Variants in ZNF219 observed in about 807,000 individuals in gnomAD.
ZNF219 encodes zinc finger protein 219.
Under a neutral mutation model 54.4 loss-of-function variants are expected in ZNF219, and 17 were observed. That is an observed-to-expected ratio of 0.31 (90% CI 0.21 to 0.47). ZNF219 has a LOEUF of 0.47. ZNF219 is among the 20% of genes least tolerant of loss of function. ZNF219 has a pLI of 1.00. For missense variants in ZNF219, 1,014 were observed against 1,062.3 expected, an observed-to-expected ratio of 0.95 and a Z score of 0.63; for synonymous variants, 518 against 476.4, an observed-to-expected ratio of 1.09 and a Z score of -1.14.
upstream of ZNF219, among the ~76,000 whole-genome samples, chr14:21,099,741 C>T (rs1344278546): frequency 6.6e-6 from 1 of 152,188 alleles, no homozygotes; most frequent in African/African-American, 2.4e-5. Flanking sequence ...TGAAAGCAAC[C>T]CCTTGAGACT....
chr14:21,098,074 C>G (rs1889383876), intron 1 of ZNF219, among the ~76,000 whole-genome samples: 1 of 150,872 alleles, frequency 6.6e-6, no homozygotes, highest in Admixed American at 6.6e-5. Flanking sequence ...CCCCCCCTCC[C>G]TTGGGGCCCC....
Position 21,090,491 on chromosome 14 carries a change from C to T in ZNF219, c.*45G>A. ...CCCAACTACCTCTAGCGCTCCCCCG[C>T]TCCGGCGGGGTAAGCTCACTAAGCT... On this transcript the variant is annotated 3_prime_UTR_variant, in exon 5 of 5. Transcript: ENST00000360947. The surrounding 1 kb of genome is among the most constrained non-coding windows in gnomAD (Gnocchi z 4.4). 3 of 1,541,410 alleles carry T rather than the reference C, an allele frequency of 1.9e-6. No homozygotes were observed. Among genetic ancestry groups the T allele is most frequent in the Non-Finnish European group, 1.8e-6 (2 of 1,142,322 alleles).
intron 4 of ZNF219, 90 bp downstream of exon 4, chr14:21,091,321 G>A (rs1888849911): frequency 2.6e-6 from 4 of 1,529,228 alleles, no homozygotes; most frequent in Admixed American, 4.0e-5. Context: ...TGAAGGCTTC[G>A]GAACAAACTT....
chr14:21,091,187 C>A, intron 4 of ZNF219, 47 bp from the exon 5 acceptor site: 2 of 1,549,950 alleles, frequency 1.3e-6, no homozygotes, highest in Non-Finnish European at 1.7e-6. Context: ...GATGACTGCA[C>A]GCACCCACCC....
rs1889444619 is a variant in ZNF219, at chr14:21,098,511, G to T, written c.-283C>A. 2 of 984,258 alleles carry T rather than the reference G, an allele frequency of 2.0e-6. No individual in the cohort carries two copies. The highest frequency in any genetic ancestry group is 4.7e-5 in the South Asian group (1 of 21,438). The allele number at this position is 984,258 out of a possible 1,614,324, so 61.0% of individuals were successfully genotyped here. On this transcript the variant is annotated 5_prime_UTR_variant, in exon 1 of 5. Transcript: ENST00000360947. Reference sequence around the variant, plus strand: ...GCCCGCATTGTGTGCGGCGGGAGGCGGCCCGGCCATTAGCATGCGGGGGGC... The same window carrying T: ...GCCCGCATTGTGTGCGGCGGGAGGCTGCCCGGCCATTAGCATGCGGGGGGC...
In ZNF219 at chr14:21,092,208, C is replaced by G. The variant is rs1412595716; in HGVS notation, c.1089G>C (p.Leu363Phe). The stretch of plus-strand genomic sequence containing the variant: ...GCTCGGCCGGGGTGGGAGCCGGGGC[C>G]AAGAGGAGCGCTGGGCCCAACGGCT... Reference protein sequence around the residue: ...AYEPLGPALLLAPAPTPAERR... With the variant: ...AYEPLGPALLFAPAPTPAERR... Residue 363 changes from leucine (L) to phenylalanine (F), a missense_variant, in exon 3 of 5, where the codon TTG becomes TTC. Leu to Phe is a conservative substitution (Grantham distance 22). Transcript: ENST00000360947. 7.0e-7 allele frequency: 1 copy of G among 1,438,028 alleles called. No individual in the cohort carries two copies. The highest frequency in any genetic ancestry group is 9.1e-7 in the Non-Finnish European group (1 of 1,102,448). 89.1% of individuals were successfully genotyped at this position (1,438,028 alleles called of 1,614,324 possible). A position where few individuals can be genotyped will look rare whatever the true frequency, so the allele number is the denominator to read the frequency against.
chr14:21,090,834 G>C lies in ZNF219; in HGVS notation c.1871C>G (p.Ala624Gly). 2 of 1,556,626 alleles carry C rather than the reference G, an allele frequency of 1.3e-6. No homozygotes were observed. The highest frequency in any genetic ancestry group is 1.7e-6 in the Non-Finnish European group (2 of 1,150,954). ...RTLRNGRGGE[A>G]EPLDLSLRAG... ...CCGCAAGGACAGGTCCAGGGGTTCGGCCTCACCGCCTCGCCCGTTGCGCAG... is the reference window on the plus strand; with the variant it reads ...CCGCAAGGACAGGTCCAGGGGTTCGCCCTCACCGCCTCGCCCGTTGCGCAG... The change falls in exon 5 of 5, where the codon GCC (alanine) becomes GGC (glycine). Residue 624 changes from alanine (A) to glycine (G), a missense_variant. This residue lies in a region of ZNF219 where 281 missense variants were observed against 271.2 expected (regional missense o/e 1.04). Transcript: ENST00000360947. The surrounding 1 kb of genome is among the most constrained non-coding windows in gnomAD (Gnocchi z 4.4).
Position 21,098,465 on chromosome 14 carries a change from G to A in ZNF219, c.-237C>T. 1.1e-6 allele frequency: 1 copy of A among 952,052 alleles called. No individual in the cohort carries two copies. Among genetic ancestry groups the A allele is most frequent in the Non-Finnish European group, 1.2e-6 (1 of 802,892 alleles). The allele number at this position is 952,052 out of a possible 1,614,324, so 59.0% of individuals were successfully genotyped here. On this transcript the variant is annotated 5_prime_UTR_variant, in exon 1 of 5. Transcript: ENST00000360947. ...CCGGCCCGGCCCCCGCCCCCTCCCC[G>A]GTCCCCCGCCCCCGGCCCTGGCCCG...
At chr14:21,102,261 A>C, upstream of ZNF219, 1 of 1,404,772 alleles carries the variant, frequency 7.1e-7, no homozygotes, top group South Asian at 1.4e-5. Context: ...CTGAGGAGGA[A>C]AGCAAAAAAG....
Position 21,093,244 on chromosome 14 carries a change from G to A in ZNF219, c.53C>T (p.Pro18Leu), listed in dbSNP as rs997092624. The change falls in exon 3 of 5, where the codon CCG (proline) becomes CTG (leucine). Residue 18 changes from proline to leucine, a missense_variant. By Grantham distance (98) the Pro-to-Leu change is moderately conservative. This residue lies in a region of ZNF219 where 395 missense variants were observed against 415.1 expected (regional missense o/e 0.95). Coordinates refer to ENST00000360947, the MANE Select transcript of ZNF219 (RefSeq NM_016423.3). ...CAGATCCAGCTCGCCGTCGAAAGCC[G>A]GCGGCGACGGCGCTAAGTGGCCGCT... ...APSGHLAPSP[P>L]AFDGELDLQR... is the part of the protein sequence containing the mutation. The A allele has an allele frequency of 6.3e-7, 1 of 1,599,334 alleles. No individual in the cohort carries two copies. The highest frequency in any genetic ancestry group is 8.5e-7 in the Non-Finnish European group (1 of 1,178,624).
Position 21,092,632 on chromosome 14 carries a change from G to T in ZNF219, c.665C>A (p.Thr222Asn). ...AGGCTGAGGCGGAGGCGCAGCGGAG[G>T]TGGCCGCCAGGGGACGCTCGGGAGC... Reference protein sequence around the residue: ...HGAPERPLAATSAAPPPQPQP... With the variant: ...HGAPERPLAANSAAPPPQPQP... The change falls in exon 3 of 5, where the codon ACC (threonine) becomes AAC (asparagine). Residue 222 changes from threonine to asparagine, a missense_variant. By Grantham distance (65) the Thr-to-Asn change is moderately conservative. Coordinates refer to ENST00000360947, the MANE Select transcript of ZNF219 (RefSeq NM_016423.3). The T allele has an allele frequency of 6.4e-7, 1 of 1,559,174 alleles. No individual in the cohort carries two copies. Among genetic ancestry groups the T allele is most frequent in the Non-Finnish European group, 8.7e-7 (1 of 1,154,448 alleles).
Position 21,094,736 on chromosome 14 carries a change from G to GGGT in ZNF219, c.-83-1063_-83-1062insACC, listed in dbSNP as rs1270376691. Among the ~76,000 whole-genome samples the GGGT allele has an allele frequency of 7.5e-5, 6 of 79,694 alleles. 2 individuals carry two copies. The highest frequency in any genetic ancestry group is 1.6e-4 in the Non-Finnish European group (6 of 36,642). 52.3% of individuals were successfully genotyped at this position (79,694 alleles called of 152,430 possible). On this transcript the variant is annotated intron_variant, in intron 1 of 4. Coordinates refer to ENST00000360947, the MANE Select transcript of ZNF219 (RefSeq NM_016423.3). Reference sequence around the variant, plus strand: ...GAAGAGGATAGGGGTTGGGGGGGGGGGCGGGTGCTGATCCTAAGCTGCAGA... The same window carrying GGGT: ...GAAGAGGATAGGGGTTGGGGGGGGGGGGTGCGGGTGCTGATCCTAAGCTGCAGA...
Position 21,090,516 on chromosome 14 carries a change from T to C in ZNF219, c.*20A>G. On this transcript the variant is annotated 3_prime_UTR_variant, in exon 5 of 5. Transcript: ENST00000360947. The surrounding 1 kb of genome is among the most constrained non-coding windows in gnomAD (Gnocchi z 4.4). ...CTCCGGCGGGGTAAGCTCACTAAGC[T>C]AATCGCCCCTGAGGGCCCACTACCG... is the stretch of plus-strand genomic sequence containing the variant. 1 of 1,570,554 alleles carries C rather than the reference T, an allele frequency of 6.4e-7. No individual in the cohort carries two copies. Among genetic ancestry groups the C allele is most frequent in the Non-Finnish European group, 8.7e-7 (1 of 1,155,580 alleles).
chr14:21,096,042 G>T (rs1341350804), intron 1 of ZNF219, among the ~76,000 whole-genome samples: 1 of 151,420 alleles, frequency 6.6e-6, no homozygotes, highest in Non-Finnish European at 1.5e-5. Flanking sequence ...GGCGTGGGGC[G>T]GGGGGGCTGG....
In ZNF219 at chr14:21,090,358, G is replaced by A. The variant is rs572599188; in HGVS notation, c.*178C>T. ...TTCTAAGGCACTGTGACTCCCTTGG[G>A]CTGGGTGGGTACCGCCAGCCCACCC... is the stretch of plus-strand genomic sequence containing the variant. On this transcript the variant is annotated 3_prime_UTR_variant, in exon 5 of 5. Transcript: ENST00000360947. The surrounding 1 kb of genome is among the most constrained non-coding windows in gnomAD (Gnocchi z 4.4). 1.5e-5 allele frequency: 12 copies of A among 816,366 alleles called. No individual in the cohort carries two copies. Among genetic ancestry groups the A allele is most frequent in the Non-Finnish European group, 2.2e-5 (11 of 503,714 alleles). 50.6% of individuals were successfully genotyped at this position (816,366 alleles called of 1,614,324 possible).
At chr14:21,101,767 C>A, upstream of ZNF219, 1 of 934,518 alleles carries the variant, frequency 1.1e-6, no homozygotes, top group Non-Finnish European at 1.6e-6. Context: ...CTCCACCCTG[C>A]ATTCAATCCC....
rs1418837329 is a variant in ZNF219 at position 21,091,910 on chromosome 14, A to T, written c.1387T>A (p.Ser463Thr). Residue 463 changes from serine (S) to threonine (T), a missense_variant, in exon 3 of 5, where the codon TCT becomes ACT. By Grantham distance (58) the Ser-to-Thr change is moderately conservative. Around this residue, in one of 5 missense-constraint regions of ZNF219, gnomAD observed 272 missense variants for 248.9 expected, o/e 1.09. Coordinates refer to ENST00000360947, the MANE Select transcript of ZNF219 (RefSeq NM_016423.3). ...HPRPGEGPGH[S>T]ASAAGAQARS... ...GCCTGGGCCCCAGCAGCAGAGGCAG[A>T]GTGCCCCGGTCCCTCACCCGGGCGC... 4 of 1,592,994 alleles carry T rather than the reference A, an allele frequency of 2.5e-6. No individual in the cohort carries two copies. Among genetic ancestry groups the T allele is most frequent in the Non-Finnish European group, 3.4e-6 (4 of 1,171,650 alleles).
rs759061137 is a variant in ZNF219 at position 21,090,495 on chromosome 14, G to A, written c.*41C>T. 34 of 1,542,082 alleles carry A rather than the reference G, an allele frequency of 2.2e-5. No homozygotes were observed. In the South Asian group the frequency reaches 2.8e-4, roughly 13 times the overall value. On this transcript the variant is annotated 3_prime_UTR_variant, in exon 5 of 5. Transcript: ENST00000360947. This position sits in a 1 kb window ranked among gnomAD's most constrained non-coding sequence, Gnocchi z 4.4. ...ACTACCTCTAGCGCTCCCCCGCTCC[G>A]GCGGGGTAAGCTCACTAAGCTAATC...
In ZNF219 at chr14:21,092,582, C is replaced by G. The variant is rs1194697276; in HGVS notation, c.715G>C (p.Glu239Gln). ...QPQPQPPPQPEPRSVPQPEPE... is the reference protein window; with the variant it reads ...QPQPQPPPQPQPRSVPQPEPE... ...TCCGGCTGGGGGACTGATCTGGGTTCGGGCTGGGGTGGAGGCTGAGGCTGA... is the reference window on the plus strand; with the variant it reads ...TCCGGCTGGGGGACTGATCTGGGTTGGGGCTGGGGTGGAGGCTGAGGCTGA... The change falls in exon 3 of 5, where the codon GAA becomes CAA. Residue 239 changes from glutamate (E) to glutamine (Q), a missense_variant. Glu to Gln is a conservative substitution (Grantham distance 29). Transcript: ENST00000360947. 6.5e-7 allele frequency: 1 copy of G among 1,544,818 alleles called. No individual in the cohort carries two copies. The highest frequency in any genetic ancestry group is 1.2e-5 in the South Asian group (1 of 83,896).
Sources: allele counts gnomAD v4.1 joint callset (sites outside exome capture counted in the v4.1 genomes callset), GRCh38; gene constraint gnomAD v4.1.1; regional missense constraint gnomAD v4.1.1; non-coding constraint Gnocchi (gnomAD v3.1); transcripts MANE v1.5; gene names NCBI Gene and HGNC (gene_info 2026-07-23, HGNC 2026-07-21).